The following CLASP2 variants were observed in gnomAD, a reference collection of about 807,000 sequenced individuals.
CLASP2 encodes CLIP-associating protein 2.
In CLASP2, 47 loss-of-function variants were observed where a neutral mutation model predicts 194.4. That is an observed-to-expected ratio of 0.24 (90% CI 0.19 to 0.31). The LOEUF is 0.31. Ranked by LOEUF, CLASP2 falls within the 10% of genes least tolerant of loss-of-function variation. CLASP2 has a pLI of 1.00. For synonymous variants in CLASP2, 619 were observed against 633.5 expected (o/e 0.98, Z 0.34); for missense variants, 1,445 against 1,823.6 (o/e 0.79, Z 3.78).
intron 12 of CLASP2, among the ~76,000 whole-genome samples, chr3:33,616,965 C>T (rs998166662): frequency 2.6e-5 from 4 of 151,020 alleles, no homozygotes; most frequent in African/African-American, 9.7e-5. Context: ...GTCTTGACTC[C>T]TGTGATCGAC....
chr3:33,580,890 C>T (rs2065916383), intron 23 of CLASP2, among the ~76,000 whole-genome samples: 1 of 151,168 alleles, frequency 6.6e-6, no homozygotes, highest in Non-Finnish European at 1.5e-5. Flanking sequence ...GTGGCAGGCG[C>T]CTGTAGTCCC....
chr3:33,519,946 A>G (rs1268963756), intron 34 of CLASP2, among the ~76,000 whole-genome samples: 1 of 152,242 alleles, frequency 6.6e-6, no homozygotes, highest in African/African-American at 2.4e-5. Context: ...AGAGAATTAC[A>G]GAACAAGGGA....
chr3:33,617,575 A>C (rs1392510265), intron 12 of CLASP2, among the ~76,000 whole-genome samples: 1 of 152,168 alleles, frequency 6.6e-6, no homozygotes, highest in East Asian at 1.9e-4. Flanking sequence ...GTCTCAATAC[A>C]TAAAAATTTA....
chr3:33,523,967 GGAAATAA>G (rs2053833508), intron 34 of CLASP2, among the ~76,000 whole-genome samples: 1 of 151,918 alleles, frequency 6.6e-6, no homozygotes, highest in Non-Finnish European at 1.5e-5. Flanking sequence ...ATACACTAAA[GGAAATAA>G]GAAATTTAAA....
At chr3:33,581,322 G>A (rs1014961551) in intron 23 of CLASP2, among the ~76,000 whole-genome samples, 1 of 152,184 alleles carries the variant, frequency 6.6e-6, no homozygotes, top group Non-Finnish European at 1.5e-5. Flanking sequence ...GGAAATGACT[G>A]TTAAACTGTA....
At chr3:33,553,357 T>A (rs145288710) in intron 29 of CLASP2, among the ~76,000 whole-genome samples, 164 of 152,244 alleles carry the variant, frequency 1.1e-3, no homozygotes, top group African/African-American at 3.6e-3. Flanking sequence ...TGAGAGTACA[T>A]CAAACTAAAA....
chr3:33,673,983 T>C (rs1046464166), intron 6 of CLASP2, among the ~76,000 whole-genome samples: 2 of 152,010 alleles, frequency 1.3e-5, no homozygotes, highest in African/African-American at 2.4e-5. Context: ...GACTCCCACA[T>C]ATTAATAATG....
intron 33 of CLASP2, among the ~76,000 whole-genome samples, chr3:33,537,047 G>C (rs1197260650): frequency 6.6e-6 from 1 of 152,182 alleles, no homozygotes; most frequent in Non-Finnish European, 1.5e-5. Context: ...AAGGTAAGCA[G>C]TGATATCCCT....
chr3:33,705,991 G>A (rs2092662180), intron 1 of CLASP2, among the ~76,000 whole-genome samples: 1 of 152,182 alleles, frequency 6.6e-6, no homozygotes, highest in South Asian at 2.1e-4. Flanking sequence ...GGTGGCTCAT[G>A]CCTGTAATCC....
At chr3:33,675,192 A>T (rs927573370) in intron 6 of CLASP2, among the ~76,000 whole-genome samples, 1 of 151,950 alleles carries the variant, frequency 6.6e-6, no homozygotes, top group Admixed American at 6.6e-5. Flanking sequence ...TCCTCAATAA[A>T]ATACTGGCAA....
intron 6 of CLASP2, among the ~76,000 whole-genome samples, chr3:33,683,970 G>A (rs2090240642): frequency 6.7e-6 from 1 of 149,114 alleles, no homozygotes; most frequent in South Asian, 2.1e-4. Flanking sequence ...TAGGCCAGGT[G>A]CAGTGACTCA....
chr3:33,616,734 C>CTTTTTT (rs958911625), intron 12 of CLASP2, among the ~76,000 whole-genome samples: 1 of 95,350 alleles, frequency 1.0e-5, no homozygotes, highest in Non-Finnish European at 2.0e-5. Context: ...ACTATACTTC[C>CTTTTTT]TTTTTTTTTT....
intron 34 of CLASP2, among the ~76,000 whole-genome samples, chr3:33,530,609 C>G (rs996532485): frequency 3.3e-5 from 5 of 152,186 alleles, no homozygotes; most frequent in African/African-American, 4.8e-5. Flanking sequence ...CCAGCATTAT[C>G]ACAAACGTGT....
At chr3:33,659,373 A>G in intron 7 of CLASP2, 1 of 1,058,244 alleles carries the variant, frequency 9.4e-7, no homozygotes, top group Non-Finnish European at 1.1e-6. Context: ...TGCAATCATC[A>G]AAACACAAGG....
At chr3:33,600,728 T>C (rs1228078696) in intron 18 of CLASP2, among the ~76,000 whole-genome samples, 1 of 152,226 alleles carries the variant, frequency 6.6e-6, no homozygotes, top group Non-Finnish European at 1.5e-5. Flanking sequence ...GTTGAAAATA[T>C]GACTTGCTAA....
Position 33,584,835 on chromosome 3 carries a change from G to A in CLASP2, c.2154C>T (p.Val718=), listed in dbSNP as rs1182114417. 6.2e-7 allele frequency: 1 copy of A among 1,613,394 alleles called. No individual in the cohort carries two copies. The highest frequency in any genetic ancestry group is 1.7e-5 in the Admixed American group (1 of 59,978). ...TVSSGVQRVL[V]NSASAQKRSK... Reference sequence around the variant, plus strand: ...TTCTTTTTTGTGCTGAGGCTGAATTGACCAGGACTCTTTGAACACCAGAGC... The same window carrying A: ...TTCTTTTTTGTGCTGAGGCTGAATTAACCAGGACTCTTTGAACACCAGAGC... Residue 718 remains valine (V), a synonymous_variant, in exon 22 of 39, where the codon GTC becomes GTT. Transcript: ENST00000682230.
rs1396241401 is a variant in CLASP2 at position 33,510,750 on chromosome 3, A to G, written c.4125T>C (p.Ala1375=). The G allele has an allele frequency of 1.2e-6, 2 of 1,609,964 alleles. No individual in the cohort carries two copies. Among genetic ancestry groups the G allele is most frequent in the Non-Finnish European group, 1.7e-6 (2 of 1,177,824 alleles). Residue 1375 remains alanine (A), a synonymous_variant, in exon 37 of 39, where the codon GCT becomes GCC. Transcript: ENST00000682230. The stretch of plus-strand genomic sequence containing the variant: ...TGGCCAACACTGATGCCGCTTCCTC[A>G]GCAGATCTCACCACCTAAAAAAAAT... ...KDPHKEVVRS[A]EEAASVLATS... is the part of the protein sequence containing the mutation.
chr3:33,516,978 T>C lies in CLASP2; in HGVS notation c.3981+3A>G. 6.2e-7 allele frequency: 1 copy of C among 1,611,680 alleles called. No individual in the cohort carries two copies. The highest frequency in any genetic ancestry group is 8.5e-7 in the Non-Finnish European group (1 of 1,179,112). ...GCTACTGTTTACATATTTTGCCATTTACCTCTTTATCTCCAAGCGTTTCAA... is the reference window on the plus strand; with the variant it reads ...GCTACTGTTTACATATTTTGCCATTCACCTCTTTATCTCCAAGCGTTTCAA... On this transcript the variant is annotated splice_donor_region_variant and intron_variant, in intron 35 of 38. Transcript: ENST00000682230.
At chr3:33,713,474 G>A (rs143641827) in intron 1 of CLASP2, among the ~76,000 whole-genome samples, 38 of 152,176 alleles carry the variant, frequency 2.5e-4, no homozygotes, top group African/African-American at 6.7e-4. Flanking sequence ...GTATTAATGG[G>A]TAGATAAACC....
Sources: allele counts gnomAD v4.1 joint callset (sites outside exome capture counted in the v4.1 genomes callset), GRCh38; gene constraint gnomAD v4.1.1; transcripts MANE v1.5; gene names NCBI Gene and HGNC (gene_info 2026-07-23, HGNC 2026-07-21).